Variants in MEGF11 observed in about 807,000 individuals in gnomAD.
MEGF11 encodes the protein multiple epidermal growth factor-like domains protein 11.
In MEGF11, 126 loss-of-function variants were observed where a neutral mutation model predicts 146.6. The ratio of observed to expected loss-of-function variants is 0.86; its 90% CI spans 0.74 to 1.00. MEGF11 has a LOEUF of 1.00. Ranked by LOEUF, MEGF11 falls within the 50% of genes least tolerant of loss-of-function variation. The probability of loss-of-function intolerance (pLI) is 0.00; values close to 1 mark genes in which losing one functional copy is unlikely to be tolerated. For missense variants in MEGF11, 1,509 were observed against 1,521.2 expected, an observed-to-expected ratio of 0.99 and a Z score of 0.13; for synonymous variants, 532 against 583.4, an observed-to-expected ratio of 0.91 and a Z score of 1.27.
At chr15:65,994,011 G>A (rs1422272231) in intron 5 of MEGF11, among the ~76,000 whole-genome samples, 3 of 152,182 alleles carry the variant, frequency 2.0e-5, no homozygotes, top group Admixed American at 1.3e-4. Context: ...CTGGAGCGGG[G>A]TTGGGCTGTG....
chr15:65,924,432 A>G (rs1199383073), intron 13 of MEGF11, among the ~76,000 whole-genome samples: 1 of 151,392 alleles, frequency 6.6e-6, no homozygotes, highest in Non-Finnish European at 1.5e-5. Context: ...CATATTTGCC[A>G]TATTTTACCC....
chr15:66,176,039 A>G (rs568888836), intron 1 of MEGF11, among the ~76,000 whole-genome samples: 2 of 152,370 alleles, frequency 1.3e-5, no homozygotes, highest in African/African-American at 4.8e-5. Context: ...GAAGATACAC[A>G]AATGACCAAT....
At chr15:66,160,845 A>G (rs1196101126) in intron 1 of MEGF11, among the ~76,000 whole-genome samples, 9 of 152,222 alleles carry the variant, frequency 5.9e-5, no homozygotes, top group Admixed American at 5.9e-4. Flanking sequence ...TGGGAAGGGA[A>G]TCCAGTATGC....
intron 5 of MEGF11, among the ~76,000 whole-genome samples, chr15:66,084,054 G>C (rs1260629464): frequency 7.9e-5 from 12 of 152,180 alleles, no homozygotes; most frequent in Admixed American, 7.9e-4. Flanking sequence ...AAATGCATTG[G>C]TAGGTGACTT....
intron 23 of MEGF11, among the ~76,000 whole-genome samples, chr15:65,906,410 A>G (rs2141160512): frequency 6.6e-6 from 1 of 152,208 alleles, no homozygotes; most frequent in South Asian, 2.1e-4. Flanking sequence ...CATATTCAGC[A>G]CTCCTTCCCT....
intron 1 of MEGF11, among the ~76,000 whole-genome samples, chr15:66,203,023 C>T (rs2091206839): frequency 6.6e-6 from 1 of 152,192 alleles, no homozygotes; most frequent in African/African-American, 2.4e-5. Flanking sequence ...AAGCTCTACA[C>T]AGAACAGCTA....
At chr15:66,229,361 C>G (rs574706281) in intron 1 of MEGF11, among the ~76,000 whole-genome samples, 1 of 152,060 alleles carries the variant, frequency 6.6e-6, no homozygotes, top group Non-Finnish European at 1.5e-5. Flanking sequence ...TGGATATGCA[C>G]GTGTCCCAGC....
chr15:66,251,049 C>T (rs997750287), intron 1 of MEGF11, among the ~76,000 whole-genome samples: 2 of 152,200 alleles, frequency 1.3e-5, no homozygotes, highest in Non-Finnish European at 2.9e-5. Flanking sequence ...GGGGAACTGA[C>T]TTGCCGGCCG....
intron 7 of MEGF11, among the ~76,000 whole-genome samples, chr15:65,979,951 T>TC (rs912471179): frequency 8.5e-5 from 13 of 152,116 alleles, no homozygotes; most frequent in African/African-American, 2.9e-4. Flanking sequence ...CAGTGGTTTT[T>TC]CCCAGACATG....
chr15:66,211,538 A>G (rs1053203842), intron 1 of MEGF11, among the ~76,000 whole-genome samples: 24 of 151,834 alleles, frequency 1.6e-4, no homozygotes, highest in Admixed American at 4.6e-4. Flanking sequence ...AAAAAAAAAA[A>G]AAAGAAAATC....
rs79621175 is a variant in MEGF11, at chr15:65,936,126, A to G, written c.1288-5183T>C. Among the ~76,000 whole-genome samples the G allele has an allele frequency of 3.2e-3, 489 of 152,270 alleles. 1 individual carries two copies. Among genetic ancestry groups the G allele is most frequent in the African/African-American group, 0.011 (475 of 41,552 alleles). On this transcript the variant is annotated intron_variant, in intron 10 of 25. Transcript: ENST00000395614. ...CCACACGTGCTCAGGCAGTCAGTGT[A>G]TACATCTGTGTGTTTCTGTGGGTGT...
chr15:65,913,087 G>A (rs964232229), intron 20 of MEGF11, among the ~76,000 whole-genome samples: 5 of 152,136 alleles, frequency 3.3e-5, no homozygotes, highest in Non-Finnish European at 5.9e-5. Context: ...AGCAGTCCAG[G>A]GTTCAGGGGA....
intron 1 of MEGF11, among the ~76,000 whole-genome samples, chr15:66,184,792 A>G (rs904321569): frequency 6.8e-6 from 1 of 147,726 alleles, no homozygotes; most frequent in African/African-American, 2.5e-5. Flanking sequence ...CCCACCCCCA[A>G]CCCCCTTCTC....
chr15:66,022,188 A>C (rs933109009), intron 5 of MEGF11, among the ~76,000 whole-genome samples: 1 of 152,230 alleles, frequency 6.6e-6, no homozygotes, highest in Non-Finnish European at 1.5e-5. Flanking sequence ...CAGAGCCTGC[A>C]TGTGGTGGTA....
At chr15:65,945,724 C>T (rs1315117116) in intron 10 of MEGF11, among the ~76,000 whole-genome samples, 1 of 152,180 alleles carries the variant, frequency 6.6e-6, no homozygotes, top group Non-Finnish European at 1.5e-5. Flanking sequence ...CCCTGAGCTG[C>T]CTGACAGGTG....
chr15:66,233,750 A>G (rs776948537), intron 1 of MEGF11, among the ~76,000 whole-genome samples: 4 of 151,948 alleles, frequency 2.6e-5, no homozygotes, highest in African/African-American at 4.8e-5. Context: ...CTCTGACCCA[A>G]TCATGGTAGT....
chr15:65,992,454 G>GGA (rs900937179), intron 5 of MEGF11, among the ~76,000 whole-genome samples: 2 of 141,506 alleles, frequency 1.4e-5, no homozygotes, highest in African/African-American at 5.3e-5. Context: ...TGTGTGTGGG[G>GGA]GGGGGGGTTA....
chr15:66,160,412 C>A (rs1236364341), intron 1 of MEGF11, among the ~76,000 whole-genome samples: 2 of 152,070 alleles, frequency 1.3e-5, no homozygotes, highest in Admixed American at 6.5e-5. Flanking sequence ...CCAGTGACAC[C>A]GTGGAACCAC....
chr15:66,238,203 G>A (rs1484370623), intron 1 of MEGF11, among the ~76,000 whole-genome samples: 1 of 152,188 alleles, frequency 6.6e-6, no homozygotes. Flanking sequence ...CAGTTTTCTG[G>A]GTGGGAAACC....
Sources: gnomAD v4.1 joint callset for allele counts (sites outside exome capture counted in the v4.1 genomes callset) on GRCh38, gnomAD v4.1.1 for gene constraint, MANE v1.5 for transcripts, NCBI Gene and HGNC (gene_info 2026-07-23, HGNC 2026-07-21) for gene names.